The following ANK3 variants were observed in gnomAD, a reference collection of about 807,000 sequenced individuals.
The protein encoded by ANK3 is ankyrin 3, also known as ankyrin-3.
ANK3 carries 57 observed loss-of-function variants against 370.9 expected under a neutral mutation model. That is an observed-to-expected ratio of 0.15 (90% CI 0.12 to 0.19). The LOEUF (loss-of-function observed/expected upper bound fraction) is 0.19. Among genes scored for constraint, ANK3 ranks in the 10% least tolerant of loss-of-function variants. ANK3 has a pLI of 1.00. For missense variants in ANK3, 4,439 were observed against 5,302.1 expected (o/e 0.84, Z 5.06); for synonymous variants, 1,929 against 1,946.3 (o/e 0.99, Z 0.23).
intron 4 of ANK3, among the ~76,000 whole-genome samples, chr10:60,271,944 G>A (rs1566143712): frequency 6.6e-6 from 1 of 151,122 alleles, no homozygotes. Context: ...ATTAGAGGCA[G>A]TGGAATGCAA....
chr10:60,042,750 C>T lies in ANK3; in HGVS notation c.13075G>A (p.Gly4359Ser). ...SSGSEQKQGE[G>S]FKVKTKKEIR... ...TCTTTCTTCGTTTTCACCTTAAAACCTTCTCCCTGCTTTGAAAGGAGTGTA... is the reference window on the plus strand; with the variant it reads ...TCTTTCTTCGTTTTCACCTTAAAACTTTCTCCCTGCTTTGAAAGGAGTGTA... Residue 4359 changes from glycine to serine, a missense_variant, in exon 43 of 44, where the codon GGT (glycine) becomes AGT (serine). Transcript: ENST00000280772. 3 of 1,613,280 alleles carry T rather than the reference C, an allele frequency of 1.9e-6. No individual in the cohort carries two copies. The highest frequency in any genetic ancestry group is 2.5e-6 in the Non-Finnish European group (3 of 1,179,964).
chr10:60,362,805 C>T (rs184976263), intron 1 of ANK3, among the ~76,000 whole-genome samples: 8 of 152,192 alleles, frequency 5.3e-5, no homozygotes, highest in Admixed American at 1.3e-4. Context: ...ATGGAGCCCT[C>T]GCCCAGAGAG....
At chr10:60,377,290 C>T (rs576239733) in intron 1 of ANK3, among the ~76,000 whole-genome samples, 1 of 152,262 alleles carries the variant, frequency 6.6e-6, no homozygotes, top group South Asian at 2.1e-4. Context: ...AGATATGTGG[C>T]CAGGATTTTA....
In ANK3 at chr10:60,260,991, G is replaced by A. The variant is rs545271682; in HGVS notation, c.798+868C>T. 7.9e-5 allele frequency among the ~76,000 whole-genome samples: 12 copies of A among 152,156 alleles called. 1 individual carries two copies. The highest frequency in any genetic ancestry group is 7.9e-4 in the Admixed American group (12 of 15,276). ...TAGTGATGATACTACATCAGGCACC[G>A]GCTGAGTGATTTACATATGCTATCT... is the stretch of plus-strand genomic sequence containing the variant. On this transcript the variant is annotated intron_variant, in intron 7 of 43. Transcript: ENST00000280772.
At chr10:60,573,827 G>T (rs1442548) in intron 2 of ANK3, among the ~76,000 whole-genome samples, 1 of 152,118 alleles carries the variant, frequency 6.6e-6, no homozygotes, top group African/African-American at 2.4e-5. Flanking sequence ...GGGGTAACAA[G>T]TGGGAAAGGG....
At chr10:60,356,616 G>A (rs548114331) in intron 1 of ANK3, among the ~76,000 whole-genome samples, 9 of 152,164 alleles carry the variant, frequency 5.9e-5, no homozygotes, top group African/African-American at 1.4e-4. Context: ...CCATCCTCCC[G>A]GAGAGATTTC....
intron 25 of ANK3, among the ~76,000 whole-genome samples, chr10:60,122,506 T>C (rs1317084231): frequency 6.6e-6 from 1 of 152,258 alleles, no homozygotes; most frequent in Admixed American, 6.5e-5. Flanking sequence ...GACCTTTCCT[T>C]ATCTTTACTT....
At chr10:60,403,971 G>A (rs1599166) in intron 2 of ANK3, among the ~76,000 whole-genome samples, 112,081 of 152,026 alleles carry the variant, frequency 0.74, 41,610 homozygotes, top group South Asian at 0.9. Flanking sequence ...TTGGAAAATC[G>A]AATTTAAAAA....
intron 7 of ANK3, among the ~76,000 whole-genome samples, chr10:60,261,565 ACTATTTGTTGT>A (rs1314641325): frequency 6.6e-6 from 1 of 152,162 alleles, no homozygotes; most frequent in Non-Finnish European, 1.5e-5. Context: ...AACTTAGGGA[ACTATTTGTTGT>A]CCCCAGCCAC....
chr10:60,321,762 C>G (rs1209552867), intron 1 of ANK3, among the ~76,000 whole-genome samples: 2 of 152,226 alleles, frequency 1.3e-5, no homozygotes, highest in South Asian at 4.1e-4. Flanking sequence ...CATTCTCTAA[C>G]CACTGTGGAG....
chr10:60,486,587 C>A (rs2075354752), intron 2 of ANK3, among the ~76,000 whole-genome samples: 1 of 152,086 alleles, frequency 6.6e-6, no homozygotes, highest in Non-Finnish European at 1.5e-5. Context: ...CTCAACACAA[C>A]AACAATGAAA....
intron 1 of ANK3, among the ~76,000 whole-genome samples, chr10:60,374,468 A>T (rs1324546412): frequency 6.6e-6 from 1 of 152,158 alleles, no homozygotes; most frequent in Non-Finnish European, 1.5e-5. Context: ...AGATAGAAGG[A>T]GTGATTGCAG....
At chr10:60,683,977 C>A (rs1028211809) in intron 1 of ANK3, among the ~76,000 whole-genome samples, 1 of 152,188 alleles carries the variant, frequency 6.6e-6, no homozygotes, top group Non-Finnish European at 1.5e-5. Context: ...CATGGAAATA[C>A]CGTCATTCTC....
chr10:60,035,795 G>C (rs1198857835), intron 43 of ANK3, among the ~76,000 whole-genome samples: 1 of 151,160 alleles, frequency 6.6e-6, no homozygotes, highest in Non-Finnish European at 1.5e-5. Context: ...TTTGAGACCA[G>C]CCTGACCAAC....
chr10:60,234,289 T>C (rs1293453504), intron 8 of ANK3, among the ~76,000 whole-genome samples: 3 of 152,192 alleles, frequency 2.0e-5, no homozygotes, highest in African/African-American at 7.2e-5. Flanking sequence ...TTTAATTTTT[T>C]TTGAGGAAGC....
chr10:60,548,184 C>T (rs74547917), intron 2 of ANK3, among the ~76,000 whole-genome samples: 2,445 of 145,754 alleles, frequency 0.017, 58 homozygotes, highest in African/African-American at 0.058. Flanking sequence ...AAATGAATTT[C>T]AAACCCATTT....
intron 2 of ANK3, among the ~76,000 whole-genome samples, chr10:60,532,427 C>T (rs1455817455): frequency 1.3e-5 from 2 of 152,062 alleles, no homozygotes; most frequent in African/African-American, 2.4e-5. Context: ...AGGCAAGAGC[C>T]GAGTTCATGA....
At chr10:60,271,309 A>T (rs749745966) in intron 4 of ANK3, among the ~76,000 whole-genome samples, 23 of 151,992 alleles carry the variant, frequency 1.5e-4, no homozygotes, top group Admixed American at 2.6e-4. Context: ...GGCTCAAACG[A>T]TCCTTCTGCC....
In ANK3 at chr10:60,536,652, A is replaced by G. The variant is rs139358923; in HGVS notation, c.96+78534T>C. ...ACGACTTCAAGAAAAGGTGAATCACATAAACAAAAAAACACGTCCACTTCT... is the reference window on the plus strand; with the variant it reads ...ACGACTTCAAGAAAAGGTGAATCACGTAAACAAAAAAACACGTCCACTTCT... On this transcript the variant is annotated intron_variant, in intron 2 of 43. Coordinates refer to the ANK3 transcript ENST00000373827. 7.5e-4 allele frequency among the ~76,000 whole-genome samples: 114 copies of G among 152,130 alleles called. 2 individuals are homozygous for G. The East Asian group carries it at 0.01, about 14-fold the overall frequency.
Sources: gnomAD v4.1 joint callset for allele counts (sites outside exome capture counted in the v4.1 genomes callset) on GRCh38, gnomAD v4.1.1 for gene constraint, MANE v1.5 for transcripts, NCBI Gene and HGNC (gene_info 2026-07-23, HGNC 2026-07-21) for gene names.